Variants in EPHA6 observed in about 807,000 individuals in gnomAD.
The protein encoded by EPHA6 is EPH receptor A6, also known as ephrin type-A receptor 6.
Under a neutral mutation model 112.0 loss-of-function variants are expected in EPHA6, and 50 were observed. The observed-to-expected ratio is 0.45, with a 90% CI of 0.36 to 0.56. EPHA6 has a LOEUF of 0.56. Ranked by LOEUF, EPHA6 falls within the 20% of genes least tolerant of loss-of-function variation. The pLI, the probability that EPHA6 is intolerant of heterozygous loss-of-function variation, is 0.00. For missense variants in EPHA6, 1,280 were observed against 1,417.4 expected, an observed-to-expected ratio of 0.90 and a Z score of 1.56; for synonymous variants, 529 against 490.7, an observed-to-expected ratio of 1.08 and a Z score of -1.03.
intron 14 of EPHA6, among the ~76,000 whole-genome samples, chr3:97,710,021 G>A (rs995011875): frequency 6.6e-6 from 1 of 152,144 alleles, no homozygotes; most frequent in Non-Finnish European, 1.5e-5. Context: ...CAGAAAATAT[G>A]AGCATTTTAA....
chr3:97,038,442 C>T (rs2045191344), intron 3 of EPHA6, among the ~76,000 whole-genome samples: 2 of 151,972 alleles, frequency 1.3e-5, no homozygotes, highest in Non-Finnish European at 2.9e-5. Context: ...TTTCACTTAC[C>T]ATAGTGACCT....
At chr3:97,081,563 A>G (rs2046720694) in intron 3 of EPHA6, among the ~76,000 whole-genome samples, 1 of 151,836 alleles carries the variant, frequency 6.6e-6, no homozygotes, top group African/African-American at 2.4e-5. Context: ...TGACACACTT[A>G]TACAGTTCTG....
intron 3 of EPHA6, among the ~76,000 whole-genome samples, chr3:97,131,332 C>A (rs774648336): frequency 4.6e-5 from 7 of 151,952 alleles, no homozygotes; most frequent in Non-Finnish European, 8.8e-5. Flanking sequence ...ACTTAATACA[C>A]CCTTGTCAAT....
At chr3:97,032,190 C>T (rs576513801) in intron 3 of EPHA6, among the ~76,000 whole-genome samples, 37 of 152,156 alleles carry the variant, frequency 2.4e-4, no homozygotes, top group African/African-American at 6.7e-4. Context: ...AGAAAACTAT[C>T]GCAAGGACAA....
chr3:97,213,072 G>C (rs2077922668), intron 3 of EPHA6, among the ~76,000 whole-genome samples: 2 of 152,176 alleles, frequency 1.3e-5, no homozygotes. Flanking sequence ...ATCCACATGT[G>C]TGCATTTGGG....
chr3:97,756,369 T>C lies in EPHA6; in HGVS notation c.*7668T>C, dbSNP rs2036026457. On this transcript the variant is annotated 3_prime_UTR_variant, in exon 18 of 18. Coordinates refer to ENST00000389672, the MANE Select transcript of EPHA6 (RefSeq NM_001080448.3). ...TATGCTCATTGTTAAATTTAACTTG[T>C]TTAAATATCCATTGGTATATTATCA... Among the ~76,000 whole-genome samples, 1 of 151,962 alleles carries C rather than the reference T, an allele frequency of 6.6e-6. No individual in the cohort carries two copies.
At chr3:96,819,862 A>G (rs763652060) in intron 1 of EPHA6, among the ~76,000 whole-genome samples, 5 of 152,160 alleles carry the variant, frequency 3.3e-5, no homozygotes, top group South Asian at 2.1e-4. Flanking sequence ...ATGTGAACTC[A>G]TGATATTTGG....
chr3:96,922,406 T>C (rs1475005255), intron 2 of EPHA6, among the ~76,000 whole-genome samples: 2 of 152,176 alleles, frequency 1.3e-5, no homozygotes, highest in African/African-American at 2.4e-5. Context: ...CGTTACCAAA[T>C]GTGGGATGTA....
intron 15 of EPHA6, among the ~76,000 whole-genome samples, chr3:97,735,597 T>C (rs1294327966): frequency 6.6e-6 from 1 of 152,074 alleles, no homozygotes; most frequent in Non-Finnish European, 1.5e-5. Flanking sequence ...ATCACAATGC[T>C]GACTTTCTGA....
At chr3:97,395,279 A>G (rs974810838) in intron 5 of EPHA6, among the ~76,000 whole-genome samples, 14 of 151,866 alleles carry the variant, frequency 9.2e-5, no homozygotes, top group Admixed American at 6.6e-5. Flanking sequence ...ATTACAAGAA[A>G]AAAACATAAA....
At chr3:97,676,236 C>G (rs1376711823) in intron 14 of EPHA6, among the ~76,000 whole-genome samples, 1 of 151,672 alleles carries the variant, frequency 6.6e-6, no homozygotes, top group East Asian at 1.9e-4. Context: ...AGCTGAGAGG[C>G]TGAGAATATG....
chr3:97,015,644 A>C (rs571313423), intron 3 of EPHA6, among the ~76,000 whole-genome samples: 7 of 152,312 alleles, frequency 4.6e-5, no homozygotes, highest in South Asian at 4.1e-4. Context: ...GATAATCAAA[A>C]GGGACACATT....
chr3:97,104,055 A>G (rs1011359396), intron 3 of EPHA6, among the ~76,000 whole-genome samples: 3 of 152,108 alleles, frequency 2.0e-5, no homozygotes, highest in Non-Finnish European at 2.9e-5. Context: ...GGCCAAGGCT[A>G]TGGGGTTTTC....
intron 1 of EPHA6, among the ~76,000 whole-genome samples, chr3:96,857,462 G>C (rs2035761952): frequency 6.6e-6 from 1 of 151,440 alleles, no homozygotes; most frequent in Non-Finnish European, 1.5e-5. Context: ...CTGCAATAGA[G>C]AAATATGCCA....
At chr3:97,647,546 T>C (rs374576866) in intron 14 of EPHA6, among the ~76,000 whole-genome samples, 5 of 152,270 alleles carry the variant, frequency 3.3e-5, no homozygotes, top group South Asian at 2.1e-4. Flanking sequence ...TGTTTTTACA[T>C]GCCAATTCTA....
intron 2 of EPHA6, among the ~76,000 whole-genome samples, chr3:96,943,142 G>A (rs967019499): frequency 1.3e-5 from 2 of 152,034 alleles, no homozygotes; most frequent in Non-Finnish European, 2.9e-5. Flanking sequence ...AGGTTCATCC[G>A]TGTTGCAGCA....
intron 5 of EPHA6, among the ~76,000 whole-genome samples, chr3:97,246,868 T>A (rs1049270585): frequency 6.6e-6 from 1 of 151,902 alleles, no homozygotes; most frequent in African/African-American, 2.4e-5. Flanking sequence ...ATACTCCAGG[T>A]AAGGGTAATG....
chr3:96,839,776 T>C (rs1202603283), intron 1 of EPHA6, among the ~76,000 whole-genome samples: 4 of 152,098 alleles, frequency 2.6e-5, no homozygotes, highest in Non-Finnish European at 5.9e-5. Context: ...TTGGTCCTTA[T>C]TGTTGGGCAG....
intron 5 of EPHA6, among the ~76,000 whole-genome samples, chr3:97,270,370 T>C (rs909427387): frequency 6.6e-6 from 1 of 152,154 alleles, no homozygotes; most frequent in Non-Finnish European, 1.5e-5. Flanking sequence ...TTTTCCCTTG[T>C]GGGTTAAGAA....
Sources: allele counts gnomAD v4.1 joint callset (sites outside exome capture counted in the v4.1 genomes callset), GRCh38; gene constraint gnomAD v4.1.1; transcripts MANE v1.5; gene names NCBI Gene and HGNC (gene_info 2026-07-23, HGNC 2026-07-21).